The following ROR2 variants were observed in gnomAD, a reference collection of about 807,000 sequenced individuals.
ROR2 encodes the protein tyrosine-protein kinase transmembrane receptor ROR2.
Under a neutral mutation model 74.9 loss-of-function variants are expected in ROR2, and 33 were observed. The observed-to-expected ratio is 0.44, with a 90% confidence interval of 0.33 to 0.59. The LOEUF is 0.59. ROR2 is among the 20% of genes least tolerant of loss of function. The probability of loss-of-function intolerance (pLI) is 0.02; values close to 1 mark genes in which losing one functional copy is unlikely to be tolerated. For missense variants in ROR2, 1,216 were observed against 1,313.8 expected (o/e 0.93, Z 1.15); for synonymous variants, 586 against 558.7 (o/e 1.05, Z -0.69).
chr9:91,806,667 A>G (rs934242211), intron 1 of ROR2, among the ~76,000 whole-genome samples: 5 of 152,024 alleles, frequency 3.3e-5, no homozygotes, highest in African/African-American at 2.4e-5. Context: ...TCAGCTTACT[A>G]CAAGCTCTGC....
intron 1 of ROR2, among the ~76,000 whole-genome samples, chr9:91,924,524 T>C (rs1831347684): frequency 1.3e-5 from 2 of 152,260 alleles, no homozygotes; most frequent in African/African-American, 4.8e-5. Flanking sequence ...CCGGGCACGA[T>C]GGCTTACGCC....
chr9:91,757,129 G>C (rs1477864091), intron 3 of ROR2, 143 bp downstream of exon 3: 2 of 1,065,462 alleles, frequency 1.9e-6, no homozygotes, highest in African/African-American at 1.6e-5. Flanking sequence ...GGGGCACATG[G>C]GGAAGGCCCT....
At chr9:91,936,041 C>T (rs530718774) in intron 1 of ROR2, among the ~76,000 whole-genome samples, 17 of 152,360 alleles carry the variant, frequency 1.1e-4, no homozygotes, top group African/African-American at 3.8e-4. Context: ...AACTCCTGAC[C>T]GCAGCACTGA....
At chr9:91,911,933 C>CAAAAAAAA (rs747087662) in intron 1 of ROR2, among the ~76,000 whole-genome samples, 1,383 of 76,212 alleles carry the variant, frequency 0.018, 32 homozygotes, top group African/African-American at 0.025. Context: ...TGAGTCTAAG[C>CAAAAAAAA]AAAAAAAAAA....
intron 1 of ROR2, among the ~76,000 whole-genome samples, chr9:91,924,764 CAG>C (rs1236613314): frequency 6.6e-6 from 1 of 150,750 alleles, no homozygotes; most frequent in African/African-American, 2.4e-5. Context: ...GCCTGGGCGA[CAG>C]AGCGAGACTC....
At chr9:91,890,627 C>G (rs1830400238) in intron 1 of ROR2, among the ~76,000 whole-genome samples, 1 of 152,172 alleles carries the variant, frequency 6.6e-6, no homozygotes, top group Non-Finnish European at 1.5e-5. Flanking sequence ...CCTTAAGTTT[C>G]AATAGTTGTC....
chr9:91,784,032 T>G (rs9409657), intron 1 of ROR2, among the ~76,000 whole-genome samples: 1 of 152,132 alleles, frequency 6.6e-6, no homozygotes, highest in South Asian at 2.1e-4. Flanking sequence ...ACCGCTCCCC[T>G]GAAAGCCAAC....
At chr9:91,946,298 GA>G (rs1339486707) in intron 1 of ROR2, among the ~76,000 whole-genome samples, 1 of 152,208 alleles carries the variant, frequency 6.6e-6, no homozygotes, top group African/African-American at 2.4e-5. Flanking sequence ...TCCCAAAAAG[GA>G]AATATCCTAA....
At chr9:91,818,737 T>G (rs946545021) in intron 1 of ROR2, among the ~76,000 whole-genome samples, 5 of 152,150 alleles carry the variant, frequency 3.3e-5, no homozygotes, top group Non-Finnish European at 5.9e-5. Flanking sequence ...TCTTAGCGAC[T>G]GCCCCAGCAG....
At chr9:91,944,125 A>G (rs573793338) in intron 1 of ROR2, among the ~76,000 whole-genome samples, 71 of 152,332 alleles carry the variant, frequency 4.7e-4, no homozygotes, top group African/African-American at 1.7e-3. Context: ...TCCCTCACAC[A>G]AACTGCACAC....
At chr9:91,726,462 C>T in intron 8 of ROR2, 79 bp downstream of exon 8, 1 of 1,294,978 alleles carries the variant, frequency 7.7e-7, no homozygotes, top group Non-Finnish European at 1.1e-6. Flanking sequence ...TAAATTAAGA[C>T]ATTTAATGTT....
At chr9:91,858,988 G>C (rs1829386135) in intron 1 of ROR2, among the ~76,000 whole-genome samples, 2 of 152,132 alleles carry the variant, frequency 1.3e-5, no homozygotes, top group African/African-American at 4.8e-5. Flanking sequence ...CAGGCAAACA[G>C]GGTTGCCACC....
intron 1 of ROR2, among the ~76,000 whole-genome samples, chr9:91,860,298 T>C (rs1438206329): frequency 6.6e-6 from 1 of 152,082 alleles, no homozygotes; most frequent in East Asian, 1.9e-4. Flanking sequence ...TGAAAGAAAC[T>C]GAAGCACCCC....
rs143406706 is a variant in ROR2 at position 91,818,923 on chromosome 9, C to T, written c.98-43105G>A. 7.2e-5 allele frequency among the ~76,000 whole-genome samples: 11 copies of T among 152,248 alleles called. No individual in the cohort carries two copies. The East Asian group carries it at 1.7e-3, about 24-fold the overall frequency. On this transcript the variant is annotated intron_variant, in intron 1 of 8. Transcript: ENST00000375708. ...GCCTCCCCAGCCTGCAGAGTCCTGC[C>T]CCCTCCCTCTTCTGCAGGTCATGCT...
intron 1 of ROR2, among the ~76,000 whole-genome samples, chr9:91,867,356 C>A (rs534908710): frequency 6.6e-6 from 1 of 152,316 alleles, no homozygotes; most frequent in East Asian, 1.9e-4. Context: ...CAAGTAACTG[C>A]AGTAGCTTAA....
intron 1 of ROR2, among the ~76,000 whole-genome samples, chr9:91,878,096 T>G (rs1830004439): frequency 6.6e-6 from 1 of 152,112 alleles, no homozygotes; most frequent in South Asian, 2.1e-4. Context: ...AAATGGAATA[T>G]TTATAGCAGC....
chr9:91,943,555 C>G (rs754172937), intron 1 of ROR2, among the ~76,000 whole-genome samples: 1 of 152,134 alleles, frequency 6.6e-6, no homozygotes, highest in African/African-American at 2.4e-5. Context: ...TCTGTCTAAT[C>G]TCACAATTCA....
At chr9:91,766,441 C>T (rs1294564824) in intron 2 of ROR2, among the ~76,000 whole-genome samples, 2 of 152,138 alleles carry the variant, frequency 1.3e-5, no homozygotes, top group Non-Finnish European at 2.9e-5. Context: ...GCATTTGCAT[C>T]TTTTACTAGT....
chr9:91,911,873 G>C (rs1216705004), intron 1 of ROR2, among the ~76,000 whole-genome samples: 1 of 133,738 alleles, frequency 7.5e-6, no homozygotes, highest in Non-Finnish European at 1.5e-5. Context: ...CGTGCTTCCT[G>C]CTACAACACA....
Sources: gnomAD v4.1 joint callset for allele counts (sites outside exome capture counted in the v4.1 genomes callset) on GRCh38, gnomAD v4.1.1 for gene constraint, MANE v1.5 for transcripts, NCBI Gene and HGNC (gene_info 2026-07-23, HGNC 2026-07-21) for gene names.